SLIT3: variants seen among roughly 807,000 people sequenced by gnomAD.
SLIT3 encodes slit guidance ligand 3.
In SLIT3, 68 loss-of-function variants were observed where a neutral mutation model predicts 184.0. That is an observed-to-expected ratio of 0.37 (90% CI 0.30 to 0.45). The LOEUF is 0.45. SLIT3 is among the 20% of genes least tolerant of loss of function. The pLI is 1.00. For synonymous variants in SLIT3, 831 were observed against 828.6 expected (o/e 1.00, Z -0.05); for missense variants, 1,707 against 2,026.0 (o/e 0.84, Z 3.02).
intron 1 of SLIT3, among the ~76,000 whole-genome samples, chr5:169,273,456 C>A (rs930695736): frequency 8.5e-5 from 13 of 152,178 alleles, no homozygotes; most frequent in Non-Finnish European, 1.8e-4. Context: ...AGTCATGCAG[C>A]CAAATGCTCT....
chr5:168,748,269 A>G, intron 20 of SLIT3, 33 bp downstream of exon 20: 1 of 1,443,990 alleles, frequency 6.9e-7, no homozygotes, highest in South Asian at 1.6e-5. Flanking sequence ...TGGTGAGATG[A>G]CAGGGTGCTT....
At chr5:168,748,455 G>C (rs780341571) in intron 19 of SLIT3, 21 bp from the exon 20 acceptor site, 18 of 1,512,232 alleles carry the variant, frequency 1.2e-5, no homozygotes, top group African/African-American at 5.9e-5. Flanking sequence ...CCCCAGAGAG[G>C]GTGAGGGTTG....
At chr5:169,118,428 C>T (rs1282111744) in intron 4 of SLIT3, among the ~76,000 whole-genome samples, 1 of 152,156 alleles carries the variant, frequency 6.6e-6, no homozygotes, top group East Asian at 1.9e-4. Context: ...CCAAATGCTC[C>T]TTTTAGTCTT....
At chr5:168,912,800 C>T (rs368609912) in intron 4 of SLIT3, among the ~76,000 whole-genome samples, 3 of 152,236 alleles carry the variant, frequency 2.0e-5, no homozygotes, top group South Asian at 4.2e-4. Context: ...CCCACATCAC[C>T]ATCCTCAAAC....
At chr5:168,962,058 T>C (rs1763030772) in intron 4 of SLIT3, among the ~76,000 whole-genome samples, 1 of 152,098 alleles carries the variant, frequency 6.6e-6, no homozygotes, top group African/African-American at 2.4e-5. Context: ...GGCAGAACTA[T>C]GGATTCCATC....
Position 169,300,379 on chromosome 5 carries a change from G to T in SLIT3, c.197+134C>A. ...CAGACCCCCAGCTCGGAGAGTGAGG[G>T]ATCGTATCCAGGAAGGGATGAGAAT... On this transcript the variant is annotated intron_variant, in intron 1 of 35. Coordinates refer to ENST00000519560, the MANE Select transcript of SLIT3 (RefSeq NM_003062.4). The surrounding 1 kb of genome is among the most constrained non-coding windows in gnomAD (Gnocchi z 4.1). The T allele has an allele frequency of 1.7e-6, 2 of 1,163,506 alleles. No individual in the cohort carries two copies. Among genetic ancestry groups the T allele is most frequent in the Non-Finnish European group, 2.2e-6 (2 of 893,980 alleles). The allele number at this position is 1,163,506 out of a possible 1,614,324, so 72.1% of individuals were successfully genotyped here.
chr5:169,089,398 C>T (rs1216511133), intron 4 of SLIT3, among the ~76,000 whole-genome samples: 1 of 152,194 alleles, frequency 6.6e-6, no homozygotes, highest in African/African-American at 2.4e-5. Context: ...AAACCGGCTG[C>T]TCAAACTCCA....
At chr5:168,978,494 T>C (rs1367156020) in intron 4 of SLIT3, among the ~76,000 whole-genome samples, 1 of 152,208 alleles carries the variant, frequency 6.6e-6, no homozygotes, top group African/African-American at 2.4e-5. Flanking sequence ...GAGGTGAACA[T>C]CTAACAGGCA....
intron 4 of SLIT3, among the ~76,000 whole-genome samples, chr5:168,948,411 C>T (rs1002556188): frequency 2.6e-5 from 4 of 152,146 alleles, no homozygotes; most frequent in South Asian, 2.1e-4. Flanking sequence ...ATACAGAGAA[C>T]AGAGCCGGAG....
At chr5:169,151,982 G>T (rs886083368) in intron 4 of SLIT3, among the ~76,000 whole-genome samples, 3 of 152,198 alleles carry the variant, frequency 2.0e-5, no homozygotes, top group African/African-American at 7.2e-5. Context: ...AAAGCAAATA[G>T]AATAAAGCTT....
intron 20 of SLIT3, among the ~76,000 whole-genome samples, chr5:168,740,172 TCAGA>T (rs551206850): frequency 1.3e-5 from 2 of 152,138 alleles, no homozygotes; most frequent in Admixed American, 6.5e-5. Context: ...GGATTTGGGG[TCAGA>T]CAAAGAGGGC....
At chr5:168,744,072 A>T (rs1171007380) in intron 20 of SLIT3, among the ~76,000 whole-genome samples, 1 of 152,154 alleles carries the variant, frequency 6.6e-6, no homozygotes, top group Admixed American at 6.5e-5. Flanking sequence ...GGTGGATCAT[A>T]AGGTCAGGAG....
chr5:168,799,624 C>G (rs932099121), intron 9 of SLIT3, among the ~76,000 whole-genome samples: 1 of 152,132 alleles, frequency 6.6e-6, no homozygotes, highest in Non-Finnish European at 1.5e-5. Flanking sequence ...GGCAGGGGCA[C>G]GGCCGGCACA....
chr5:169,269,000 TA>T (rs1425255505), intron 1 of SLIT3, among the ~76,000 whole-genome samples: 3 of 152,192 alleles, frequency 2.0e-5, no homozygotes, highest in Admixed American at 6.5e-5. Flanking sequence ...CCAGAGAGGT[TA>T]AATAACTTGC....
intron 18 of SLIT3, among the ~76,000 whole-genome samples, chr5:168,751,103 A>G (rs1754681855): frequency 6.6e-6 from 1 of 151,848 alleles, no homozygotes; most frequent in Non-Finnish European, 1.5e-5. Flanking sequence ...CCAAGGTTGG[A>G]GTGGGCTTGG....
chr5:168,859,987 A>G (rs921129486), intron 5 of SLIT3, among the ~76,000 whole-genome samples: 1 of 152,178 alleles, frequency 6.6e-6, no homozygotes, highest in Non-Finnish European at 1.5e-5. Flanking sequence ...TTCCCTACCT[A>G]TCCACACACT....
chr5:169,153,098 G>A (rs1206100615), intron 4 of SLIT3, among the ~76,000 whole-genome samples: 2 of 152,178 alleles, frequency 1.3e-5, no homozygotes, highest in Non-Finnish European at 2.9e-5. Context: ...TGTGTGTCTG[G>A]ATAAGACATC....
chr5:169,113,501 C>T (rs981177689), intron 4 of SLIT3, among the ~76,000 whole-genome samples: 5 of 152,040 alleles, frequency 3.3e-5, no homozygotes, highest in East Asian at 3.9e-4. Flanking sequence ...CTTTTGGCTA[C>T]GTAATTAATG....
chr5:169,085,111 T>C (rs1759237834), intron 4 of SLIT3, among the ~76,000 whole-genome samples: 1 of 152,234 alleles, frequency 6.6e-6, no homozygotes, highest in Admixed American at 6.5e-5. Context: ...TCCAATTCTC[T>C]ATAGACTCCA....
Sources: gnomAD v4.1 joint callset for allele counts (sites outside exome capture counted in the v4.1 genomes callset) on GRCh38, gnomAD v4.1.1 for gene constraint, Gnocchi (gnomAD v3.1) non-coding constraint, MANE v1.5 for transcripts, NCBI Gene and HGNC (gene_info 2026-07-23, HGNC 2026-07-21) for gene names.